TRIM58: variants seen among roughly 807,000 people sequenced by gnomAD.
TRIM58 encodes E3 ubiquitin-protein ligase TRIM58.
In TRIM58, 38 loss-of-function variants were observed where a neutral mutation model predicts 34.1. The ratio of observed to expected loss-of-function variants is 1.12; its 90% CI spans 0.86 to 1.46. TRIM58 has a LOEUF of 1.46. TRIM58 is among the 40% of genes most tolerant of loss of function. The pLI, the probability that TRIM58 is intolerant of heterozygous loss-of-function variation, is 0.00. For synonymous variants in TRIM58, 273 were observed against 275.7 expected (o/e 0.99, Z 0.10); for missense variants, 677 against 642.0 (o/e 1.05, Z -0.59).
chr1:247,857,421 CA>C lies in TRIM58; in HGVS notation c.176del (p.Gln59ArgfsTer45). On this transcript the variant is annotated frameshift_variant, in exon 1 of 6. Coordinates refer to ENST00000366481, the MANE Select transcript of TRIM58 (RefSeq NM_015431.4). LOFTEE classifies it high-confidence loss of function. The part of the protein sequence containing the change: ...GAQGGVYACP[Q>X]CRGPFRPSGF... ...GCAGGGCGGCGTCTACGCCTGTCCG[CA>C]GTGCCGGGGCCCCTTCCGGCCCTCG... The C allele has an allele frequency of 6.7e-7, 1 of 1,494,658 alleles. No homozygotes were observed. Among genetic ancestry groups the C allele is most frequent in the Admixed American group, 2.2e-5 (1 of 46,248 alleles). The allele number at this position is 1,494,658 out of a possible 1,614,324, so 92.6% of individuals were successfully genotyped here.
chr1:247,871,036 A>C (rs543359789), intron 5 of TRIM58, among the ~76,000 whole-genome samples: 358 of 151,610 alleles, frequency 2.4e-3, no homozygotes, highest in African/African-American at 7.4e-3. Context: ...AACGAGGATT[A>C]GTATATTCAT....
intron 1 of TRIM58, among the ~76,000 whole-genome samples, chr1:247,858,239 TG>T (rs1402479201): frequency 6.6e-6 from 1 of 152,082 alleles, no homozygotes; most frequent in East Asian, 1.9e-4. Flanking sequence ...AGCAGGGATT[TG>T]GGGACTTAGG....
At chr1:247,866,687 C>T (rs550682936) in intron 3 of TRIM58, among the ~76,000 whole-genome samples, 1 of 152,298 alleles carries the variant, frequency 6.6e-6, no homozygotes, top group East Asian at 1.9e-4. Context: ...ACTGCAGCCT[C>T]AGTCTCCTAG....
chr1:247,879,265 C>G lies in TRIM58; in HGVS notation c.*2776C>G, dbSNP rs960433319. Among the ~76,000 whole-genome samples, 1 of 152,182 alleles carries G rather than the reference C, an allele frequency of 6.6e-6. No homozygotes were observed. The highest frequency in any genetic ancestry group is 2.4e-5 in the African/African-American group (1 of 41,438). On this transcript the variant is annotated 3_prime_UTR_variant, in exon 6 of 6. Coordinates refer to ENST00000366481, the MANE Select transcript of TRIM58 (RefSeq NM_015431.4). Reference sequence around the variant, plus strand: ...TTTCTTGATTTCTCCAGCCCACATCCAGTCCATCGGCAAGCCCTGTTGGTC... The same window carrying G: ...TTTCTTGATTTCTCCAGCCCACATCGAGTCCATCGGCAAGCCCTGTTGGTC...
At chr1:247,858,513 C>T (rs1297690493) in intron 1 of TRIM58, among the ~76,000 whole-genome samples, 1 of 152,122 alleles carries the variant, frequency 6.6e-6, no homozygotes, top group African/African-American at 2.4e-5. Flanking sequence ...GACTGTCAGT[C>T]GCGCTGTAGT....
chr1:247,867,955 C>T lies in TRIM58; in HGVS notation c.771-8C>T, dbSNP rs752071572. ...TGCTGACTTCTGTGGTTTCTGTGCT[C>T]TTCCCAGAAGTAAGGCTGTCACAAG... On this transcript the variant is annotated splice_polypyrimidine_tract_variant and splice_region_variant and intron_variant, in intron 4 of 5. Transcript: ENST00000366481. 1.2e-6 allele frequency: 2 copies of T among 1,613,008 alleles called. No individual in the cohort carries two copies. Among genetic ancestry groups the T allele is most frequent in the Non-Finnish European group, 1.7e-6 (2 of 1,179,478 alleles).
At chr1:247,864,209 A>G (rs933350737) in intron 2 of TRIM58, among the ~76,000 whole-genome samples, 1 of 152,082 alleles carries the variant, frequency 6.6e-6, no homozygotes, top group South Asian at 2.1e-4. Context: ...CAGTGGTGCA[A>G]TCACAGCTTA....
At chr1:247,864,962 C>G in intron 3 of TRIM58, 27 bp downstream of exon 3, 3 of 1,534,466 alleles carry the variant, frequency 2.0e-6, no homozygotes, top group Non-Finnish European at 2.6e-6. Flanking sequence ...GAAAAGCAGG[C>G]AGATGTGAGA....
chr1:247,858,386 A>G lies in TRIM58; in HGVS notation c.420+720A>G, dbSNP rs149301562. Among the ~76,000 whole-genome samples, 68 of 152,270 alleles carry G rather than the reference A, an allele frequency of 4.5e-4. 2 individuals are homozygous for G. The East Asian group carries it at 0.012, about 27-fold the overall frequency. The stretch of plus-strand genomic sequence containing the variant: ...TGAAATTGTGTGTCGATTTCTTCCT[A>G]CTGGTGCCCTTCAAAAGTTCTTGGA... On this transcript the variant is annotated intron_variant, in intron 1 of 5. Transcript: ENST00000366481.
Position 247,872,180 on chromosome 1 carries a change from T to TAA in TRIM58, c.872-3719_872-3718insAA, listed in dbSNP as rs534321313. 9.7e-4 allele frequency among the ~76,000 whole-genome samples: 148 copies of TAA among 152,346 alleles called. 1 individual carries two copies. The highest frequency in any genetic ancestry group is 3.3e-3 in the African/African-American group (139 of 41,582). ...ATAGGACATAGTTGAAAGTTGTACC[T>TAA]AGAAAAATAGTTTGATTGGACTAAT... On this transcript the variant is annotated intron_variant, in intron 5 of 5. Coordinates refer to ENST00000366481, the MANE Select transcript of TRIM58 (RefSeq NM_015431.4).
intron 2 of TRIM58, among the ~76,000 whole-genome samples, chr1:247,861,750 T>C (rs1663798903): frequency 6.6e-6 from 1 of 152,120 alleles, no homozygotes; most frequent in African/African-American, 2.4e-5. Flanking sequence ...TTAAACTATA[T>C]TTTTCTTTAT....
chr1:247,868,986 A>G (rs536874644), intron 5 of TRIM58, among the ~76,000 whole-genome samples: 2 of 151,840 alleles, frequency 1.3e-5, no homozygotes, highest in African/African-American at 4.8e-5. Flanking sequence ...TGCAACCTCC[A>G]CCTCCCATGT....
chr1:247,857,524 C>A lies in TRIM58; in HGVS notation c.278C>A (p.Ala93Glu). The A allele has an allele frequency of 1.6e-6, 2 of 1,280,900 alleles. No individual in the cohort carries two copies. Among genetic ancestry groups the A allele is most frequent in the South Asian group, 2.8e-5 (1 of 35,690 alleles). 79.3% of individuals were successfully genotyped at this position (1,280,900 alleles called of 1,614,324 possible). A position where few individuals can be genotyped will look rare whatever the true frequency, so the allele number is the denominator to read the frequency against. ...CTGGGGTTGGGCGCGGGGCCCGGGG[C>A]GCGGCGATGCGCGCGGCACGGCGAG... ...RRLGLGAGPG[A>E]RRCARHGEDL... The change falls in exon 1 of 6, where the codon GCG becomes GAG. Residue 93 changes from alanine to glutamate, a missense_variant. By Grantham distance (107) the Ala-to-Glu change is moderately radical (BLOSUM62 -1). Transcript: ENST00000366481.
intron 5 of TRIM58, among the ~76,000 whole-genome samples, chr1:247,874,117 C>T (rs1346404217): frequency 6.6e-6 from 1 of 152,166 alleles, no homozygotes; most frequent in African/African-American, 2.4e-5. Flanking sequence ...TTTTGCATTG[C>T]TATAAAGAAA....
Position 247,878,082 on chromosome 1 carries a change from G to A in TRIM58, c.*1593G>A, listed in dbSNP as rs1572582335. ...GGAGGCTGAGGCAGGAGAATGGCAT[G>A]AACCCAGGAGGCAGAGCTTGTAGTG... is the stretch of plus-strand genomic sequence containing the variant. On this transcript the variant is annotated 3_prime_UTR_variant, in exon 6 of 6. Coordinates refer to ENST00000366481, the MANE Select transcript of TRIM58 (RefSeq NM_015431.4). 2 of 152,224 alleles carry A rather than the reference G, an allele frequency of 1.3e-5. No homozygotes were observed. Among genetic ancestry groups the A allele is most frequent in the African/African-American group, 2.4e-5 (1 of 41,390 alleles). The allele number at this position is 152,224 out of a possible 1,614,324, so 9.4% of individuals were successfully genotyped here.
intron 1 of TRIM58, among the ~76,000 whole-genome samples, chr1:247,858,125 G>T (rs150167758): frequency 1.6e-4 from 25 of 152,258 alleles, no homozygotes; most frequent in African/African-American, 6.0e-4. Context: ...GCAACCCTCG[G>T]GTTTGGGCGT....
chr1:247,861,485 G>C (rs945250902), intron 2 of TRIM58, among the ~76,000 whole-genome samples: 13 of 152,128 alleles, frequency 8.5e-5, no homozygotes, highest in African/African-American at 2.9e-4. Context: ...AAAATGATCT[G>C]TTCAAGATGT....
At chr1:247,874,617 G>A (rs975960931) in intron 5 of TRIM58, among the ~76,000 whole-genome samples, 2 of 152,144 alleles carry the variant, frequency 1.3e-5, no homozygotes, top group African/African-American at 4.8e-5. Context: ...TATTTATTAT[G>A]TATATGGGTC....
rs765037452 is a variant in TRIM58 at position 247,864,811 on chromosome 1, A to G, written c.623A>G (p.Glu208Gly). 6.2e-6 allele frequency: 10 copies of G among 1,613,930 alleles called. No homozygotes were observed. The highest frequency in any genetic ancestry group is 1.7e-4 in the Middle Eastern group (1 of 5,946). ...QRQLRRLEAEERATLQRLRES... is the reference protein window; with the variant it reads ...QRQLRRLEAEGRATLQRLRES... ...CAGCTGAGGCGGCTGGAGGCGGAGG[A>G]GCGAGCGACGCTGCAGAGACTGCGG... The change falls in exon 3 of 6, where the codon GAG becomes GGG. Residue 208 changes from glutamate to glycine, a missense_variant. Physicochemically the swap from Glu to Gly is moderately conservative, Grantham distance 98. Coordinates refer to ENST00000366481, the MANE Select transcript of TRIM58 (RefSeq NM_015431.4).
Sources: gnomAD v4.1 joint callset for allele counts (sites outside exome capture counted in the v4.1 genomes callset) on GRCh38, gnomAD v4.1.1 for gene constraint, MANE v1.5 for transcripts, NCBI Gene and HGNC (gene_info 2026-07-23, HGNC 2026-07-21) for gene names.